The following COBL variants were observed in gnomAD, a reference collection of about 807,000 sequenced individuals.
The protein encoded by COBL is cordon-bleu WH2 repeat protein, also known as protein cordon-bleu.
COBL carries 51 observed loss-of-function variants against 98.8 expected under a neutral mutation model. That is an observed-to-expected ratio of 0.52 (90% CI 0.41 to 0.65). The LOEUF (loss-of-function observed/expected upper bound fraction) is 0.65, where lower values mean the gene tolerates loss of function less well. Ranked by LOEUF, COBL falls within the 30% of genes least tolerant of loss-of-function variation. The pLI is 0.00. For missense variants in COBL, 1,617 were observed against 1,617.5 expected, an observed-to-expected ratio of 1.00 and a Z score of 0.01; for synonymous variants, 634 against 651.7, an observed-to-expected ratio of 0.97 and a Z score of 0.41.
rs1235812904 is a variant in COBL, at chr7:51,125,966, G to A, written c.957+10192C>T. ...TTTCTATATCGTTTAAGTAAGGGAT[G>A]GTAACTTCTAGACGCTTCGATTCCA... On this transcript the variant is annotated intron_variant, in intron 6 of 12. Coordinates refer to ENST00000265136, the MANE Select transcript of COBL (RefSeq NM_015198.5). 4.6e-5 allele frequency among the ~76,000 whole-genome samples: 7 copies of A among 152,146 alleles called. No individual in the cohort carries two copies. The East Asian group carries it at 7.7e-4, about 17-fold the overall frequency.
intron 7 of COBL, among the ~76,000 whole-genome samples, chr7:51,060,049 T>A (rs1433639381): frequency 3.3e-5 from 5 of 152,118 alleles, no homozygotes; most frequent in Non-Finnish European, 7.3e-5. Flanking sequence ...GATGCCTCCA[T>A]GAGTCGATCT....
chr7:51,297,911 T>G (rs1801573111), intron 1 of COBL, among the ~76,000 whole-genome samples: 1 of 152,206 alleles, frequency 6.6e-6, no homozygotes, highest in Non-Finnish European at 1.5e-5. Context: ...AAGACCATAT[T>G]GCCCTATGGT....
At chr7:51,129,718 T>A (rs1798556474) in intron 6 of COBL, among the ~76,000 whole-genome samples, 1 of 151,602 alleles carries the variant, frequency 6.6e-6, no homozygotes, top group African/African-American at 2.4e-5. Context: ...CCAAGCAGGG[T>A]CTGGTGCAGT....
intron 2 of COBL, among the ~76,000 whole-genome samples, chr7:51,193,914 G>C (rs1003933049): frequency 2.6e-5 from 4 of 152,138 alleles, no homozygotes; most frequent in African/African-American, 9.7e-5. Context: ...ATGCATACAA[G>C]ACACTAAATT....
intron 1 of COBL, among the ~76,000 whole-genome samples, chr7:51,244,108 C>T (rs899060178): frequency 2.0e-5 from 3 of 152,226 alleles, no homozygotes; most frequent in Non-Finnish European, 4.4e-5. Flanking sequence ...CAGTTTTCTG[C>T]ACACACATGT....
intron 7 of COBL, chr7:51,072,331 T>C (rs1371745624): frequency 6.6e-6 from 1 of 152,240 alleles, no homozygotes; most frequent in African/African-American, 2.4e-5. Context: ...CTGCCTGTCT[T>C]GGGACAATGC....
At chr7:51,172,531 C>T (rs1329802060) in intron 5 of COBL, 1 of 1,286,924 alleles carries the variant, frequency 7.8e-7, no homozygotes, top group Non-Finnish European at 1.0e-6. Context: ...GCTGCTCAGC[C>T]TGGAACACAA....
At chr7:51,147,758 T>C (rs10239573) in intron 5 of COBL, among the ~76,000 whole-genome samples, 6,341 of 148,034 alleles carry the variant, frequency 0.043, 421 homozygotes, top group African/African-American at 0.15. Flanking sequence ...CTTTTCTTTT[T>C]TTTTTTTTTT....
At chr7:51,222,876 G>A (rs1793786793) in intron 1 of COBL, among the ~76,000 whole-genome samples, 1 of 152,190 alleles carries the variant, frequency 6.6e-6, no homozygotes, top group Non-Finnish European at 1.5e-5. Context: ...AGTCGGGAGA[G>A]GTTTTGACTG....
intron 8 of COBL, among the ~76,000 whole-genome samples, chr7:51,036,119 A>G (rs947629376): frequency 2.6e-5 from 4 of 152,166 alleles, no homozygotes; most frequent in African/African-American, 9.7e-5. Context: ...AGGTGGGCAG[A>G]TCACTTGAGG....
At chr7:51,044,070 C>T (rs890036074) in intron 7 of COBL, among the ~76,000 whole-genome samples, 3 of 152,170 alleles carry the variant, frequency 2.0e-5, no homozygotes, top group African/African-American at 7.2e-5. Context: ...TTTAGAAAAA[C>T]ATTAAGACAA....
intron 7 of COBL, among the ~76,000 whole-genome samples, chr7:51,050,118 A>G (rs965084310): frequency 6.6e-6 from 1 of 152,222 alleles, no homozygotes; most frequent in Non-Finnish European, 1.5e-5. Flanking sequence ...TTGACTCCAG[A>G]GCACTACTAT....
chr7:51,148,369 G>A (rs1444769825), intron 5 of COBL, among the ~76,000 whole-genome samples: 2 of 152,110 alleles, frequency 1.3e-5, no homozygotes, highest in African/African-American at 4.8e-5. Context: ...TGGTTTCTAA[G>A]GTACAACTCT....
At chr7:51,067,899 CTT>C (rs1273969441) in intron 7 of COBL, among the ~76,000 whole-genome samples, 3 of 152,246 alleles carry the variant, frequency 2.0e-5, no homozygotes, top group Non-Finnish European at 4.4e-5. Context: ...CCAAGAATCT[CTT>C]GTCTCTTAAA....
intron 6 of COBL, among the ~76,000 whole-genome samples, chr7:51,119,683 A>T (rs1372313363): frequency 1.3e-5 from 2 of 152,210 alleles, no homozygotes; most frequent in African/African-American, 4.8e-5. Flanking sequence ...AACGGGTCAA[A>T]TATTATTTAG....
In COBL at chr7:51,190,901, A is replaced by T; in HGVS notation, c.634T>A (p.Ser212Thr). 4 of 1,614,044 alleles carry T rather than the reference A, an allele frequency of 2.5e-6. No homozygotes were observed. Among genetic ancestry groups the T allele is most frequent in the Non-Finnish European group, 3.4e-6 (4 of 1,180,010 alleles). The change falls in exon 4 of 13, where the codon TCC becomes ACC. Residue 212 changes from serine to threonine, a missense_variant. By Grantham distance (58) the Ser-to-Thr change is moderately conservative. Coordinates refer to ENST00000265136, the MANE Select transcript of COBL (RefSeq NM_015198.5). The stretch of plus-strand genomic sequence containing the variant: ...TCCTTTATCCCGAGCTCGTTCAGGG[A>T]CTTGGACAGCTCCAGCTCCTCTCCG... Reference protein sequence around the residue: ...IAGEELELSKSLNELGIKELY... With the variant: ...IAGEELELSKTLNELGIKELY...
chr7:51,304,138 G>C (rs1802246086), intron 1 of COBL, among the ~76,000 whole-genome samples: 1 of 152,188 alleles, frequency 6.6e-6, no homozygotes, highest in Non-Finnish European at 1.5e-5. Context: ...AAGTGATGGT[G>C]TGAGAGAGGC....
chr7:51,266,141 G>A (rs1048937075), intron 1 of COBL, among the ~76,000 whole-genome samples: 2 of 151,916 alleles, frequency 1.3e-5, no homozygotes, highest in African/African-American at 4.8e-5. Context: ...ATCACATGTG[G>A]GCAAATTAAT....
intron 3 of COBL, among the ~76,000 whole-genome samples, chr7:51,192,796 T>TA (rs1790237188): frequency 6.6e-6 from 1 of 152,214 alleles, no homozygotes; most frequent in Admixed American, 6.5e-5. Flanking sequence ...GGAAGATGTT[T>TA]AAATCTTCTA....
Sources: gnomAD v4.1 joint callset for allele counts (sites outside exome capture counted in the v4.1 genomes callset) on GRCh38, gnomAD v4.1.1 for gene constraint, MANE v1.5 for transcripts, NCBI Gene and HGNC (gene_info 2026-07-23, HGNC 2026-07-21) for gene names.